The following PRKG1 variants were observed in gnomAD, a reference collection of about 807,000 sequenced individuals.
The protein encoded by PRKG1 is protein kinase cGMP-dependent 1, also known as cGMP-dependent protein kinase 1.
PRKG1 carries 35 observed loss-of-function variants against 88.1 expected under a neutral mutation model. The ratio of observed to expected loss-of-function variants is 0.40; its 90% CI spans 0.30 to 0.53. The LOEUF (loss-of-function observed/expected upper bound fraction) is 0.53, where lower values mean the gene tolerates loss of function less well. Among genes scored for constraint, PRKG1 ranks in the 20% least tolerant of loss-of-function variants. PRKG1 has a pLI of 0.59. For missense variants in PRKG1, 540 were observed against 839.8 expected (o/e 0.64, Z 4.41); for synonymous variants, 303 against 292.5 (o/e 1.04, Z -0.37).
intron 3 of PRKG1, among the ~76,000 whole-genome samples, chr10:51,647,977 G>A (rs948483755): frequency 2.6e-5 from 4 of 151,492 alleles, no homozygotes; most frequent in Non-Finnish European, 5.9e-5. Flanking sequence ...ATCTTTCTCT[G>A]TAATAAAAAT....
chr10:51,472,473 C>G (rs1484958426), intron 3 of PRKG1, among the ~76,000 whole-genome samples: 1 of 151,854 alleles, frequency 6.6e-6, no homozygotes, highest in Non-Finnish European at 1.5e-5. Context: ...TCTCATTCAT[C>G]CACACTATGC....
At chr10:51,279,878 A>G (rs1840242677) in intron 2 of PRKG1, among the ~76,000 whole-genome samples, 1 of 152,116 alleles carries the variant, frequency 6.6e-6, no homozygotes, top group Non-Finnish European at 1.5e-5. Context: ...TTTACATTTA[A>G]GTTTAATATT....
chr10:51,729,917 A>G (rs979514406), intron 3 of PRKG1, among the ~76,000 whole-genome samples: 1 of 152,050 alleles, frequency 6.6e-6, no homozygotes, highest in Non-Finnish European at 1.5e-5. Flanking sequence ...GAGATTTTTC[A>G]TGTACTCCCT....
At chr10:51,209,714 G>A (rs921008556) in intron 2 of PRKG1, among the ~76,000 whole-genome samples, 2 of 152,128 alleles carry the variant, frequency 1.3e-5, no homozygotes, top group African/African-American at 2.4e-5. Flanking sequence ...AATAAGGCAT[G>A]AAAGCAAAAC....
At position 51,466,122 on chromosome 10, in the gene PRKG1, G is replaced by T. The variant is rs1588986184; in HGVS notation, c.479-1601G>T. On this transcript the variant is annotated intron_variant, in intron 2 of 17. Transcript: ENST00000373980. ...TTTTTTAACCTCTGTGTGGTATTCT[G>T]TCCTGTCTCTCATTCTTGAGTGGTA... 2.0e-5 allele frequency among the ~76,000 whole-genome samples: 3 copies of T among 152,182 alleles called. No individual in the cohort carries two copies. In the South Asian group the frequency reaches 6.2e-4, roughly 32 times the overall value.
chr10:51,450,388 T>C (rs949230772), intron 2 of PRKG1, among the ~76,000 whole-genome samples: 1 of 151,992 alleles, frequency 6.6e-6, no homozygotes, highest in Non-Finnish European at 1.5e-5. Context: ...AGCCAAACAT[T>C]TCCCCTGTTC....
At chr10:51,203,298 A>C (rs1440271830) in intron 2 of PRKG1, among the ~76,000 whole-genome samples, 1 of 152,200 alleles carries the variant, frequency 6.6e-6, no homozygotes, top group Non-Finnish European at 1.5e-5. Flanking sequence ...ATTTTCATTC[A>C]TTCTGAAAAT....
chr10:51,721,072 G>A (rs1842000115), intron 3 of PRKG1, among the ~76,000 whole-genome samples: 1 of 151,888 alleles, frequency 6.6e-6, no homozygotes, highest in Admixed American at 6.6e-5. Flanking sequence ...AATTAGCTGG[G>A]CATGGTGATG....
chr10:51,566,242 G>A (rs1464328038), intron 3 of PRKG1, among the ~76,000 whole-genome samples: 1 of 152,006 alleles, frequency 6.6e-6, no homozygotes, highest in Non-Finnish European at 1.5e-5. Context: ...AGTTAGAACA[G>A]AACATAGAGA....
intron 5 of PRKG1, among the ~76,000 whole-genome samples, chr10:51,926,142 A>T (rs1329808068): frequency 6.6e-6 from 1 of 152,196 alleles, no homozygotes; most frequent in Non-Finnish European, 1.5e-5. Flanking sequence ...TTATTTCTGT[A>T]TGAAATAACA....
intron 2 of PRKG1, among the ~76,000 whole-genome samples, chr10:51,305,252 C>T (rs553810574): frequency 6.6e-5 from 10 of 152,288 alleles, no homozygotes; most frequent in African/African-American, 2.2e-4. Flanking sequence ...ACTCTTCTCC[C>T]ACCACCAAAA....
chr10:51,692,794 C>A (rs139337663), intron 3 of PRKG1, among the ~76,000 whole-genome samples: 4 of 152,092 alleles, frequency 2.6e-5, no homozygotes, highest in Non-Finnish European at 4.4e-5. Flanking sequence ...AAATGACCAA[C>A]CTTTGTAATA....
At chr10:51,195,694 A>G (rs1231211163) in intron 2 of PRKG1, among the ~76,000 whole-genome samples, 1 of 152,184 alleles carries the variant, frequency 6.6e-6, no homozygotes, top group Non-Finnish European at 1.5e-5. Context: ...TTTAAGACTT[A>G]AGACTATGGT....
At chr10:51,801,896 G>A (rs569588535) in intron 3 of PRKG1, among the ~76,000 whole-genome samples, 1 of 152,130 alleles carries the variant, frequency 6.6e-6, no homozygotes, top group Non-Finnish European at 1.5e-5. Context: ...AAGAATTTTA[G>A]ATACATACTT....
intron 8 of PRKG1, among the ~76,000 whole-genome samples, chr10:52,141,803 AAGG>A (rs1369889970): frequency 6.6e-6 from 1 of 152,128 alleles, no homozygotes; most frequent in Non-Finnish European, 1.5e-5. Flanking sequence ...GAGATTTAAG[AAGG>A]AGAAGTAAAA....
intron 7 of PRKG1, among the ~76,000 whole-genome samples, chr10:52,110,308 C>T (rs1041600111): frequency 6.6e-6 from 1 of 151,758 alleles, no homozygotes; most frequent in African/African-American, 2.4e-5. Flanking sequence ...CTCCAGCCTG[C>T]GTGAAAGTGC....
chr10:52,100,223 G>T (rs149330775), intron 7 of PRKG1, among the ~76,000 whole-genome samples: 60 of 152,204 alleles, frequency 3.9e-4, no homozygotes, highest in African/African-American at 1.4e-3. Context: ...GCCAAGGAAG[G>T]GCTTGCTAGT....
At chr10:51,297,570 G>A (rs560101029) in intron 2 of PRKG1, among the ~76,000 whole-genome samples, 45 of 152,132 alleles carry the variant, frequency 3.0e-4, no homozygotes, top group African/African-American at 9.1e-4. Flanking sequence ...TTAGGTTTGG[G>A]TAATAGCTGG....
At chr10:52,093,546 T>A (rs1847103914) in intron 7 of PRKG1, among the ~76,000 whole-genome samples, 1 of 152,138 alleles carries the variant, frequency 6.6e-6, no homozygotes, top group African/African-American at 2.4e-5. Flanking sequence ...GGAAAAGGAA[T>A]TTTTCTTTTA....
Sources: gnomAD v4.1 joint callset for allele counts (sites outside exome capture counted in the v4.1 genomes callset) on GRCh38, gnomAD v4.1.1 for gene constraint, MANE v1.5 for transcripts, NCBI Gene and HGNC (gene_info 2026-07-23, HGNC 2026-07-21) for gene names.